Variants in IGSF10 observed in about 807,000 individuals in gnomAD.
IGSF10 encodes calvaria mechanical force protein 608.
Under a neutral mutation model 128.2 loss-of-function variants are expected in IGSF10, and 126 were observed. That is an observed-to-expected ratio of 0.98 (90% CI 0.85 to 1.14). The LOEUF (loss-of-function observed/expected upper bound fraction) is 1.14, where lower values mean the gene tolerates loss of function less well. Among genes scored for constraint, IGSF10 ranks in the 50% most tolerant of loss-of-function variants. The pLI is 0.00. For missense variants in IGSF10, 3,295 were observed against 3,149.8 expected (o/e 1.05, Z -1.10); for synonymous variants, 1,185 against 1,146.2 (o/e 1.03, Z -0.68).
chr3:151,591,962 A>T, the IGSF10 span, among the ~76,000 whole-genome samples: 55 of 152,318 alleles, frequency 3.6e-4, 2 homozygotes, highest in Middle Eastern at 6.8e-3. Flanking sequence ...AAAATTTAGC[A>T]AATTTTAAAT....
chr3:151,556,135 T>C, the IGSF10 span, among the ~76,000 whole-genome samples: 2 of 152,208 alleles, frequency 1.3e-5, no homozygotes, highest in African/African-American at 4.8e-5. Context: ...TGAGTAAAAC[T>C]AACTTTCATT....
chr3:151,569,748 T>C, the IGSF10 span, among the ~76,000 whole-genome samples: 1 of 152,182 alleles, frequency 6.6e-6, no homozygotes, highest in African/African-American at 2.4e-5. Flanking sequence ...TTTTTTTAAA[T>C]TATACTTTAA....
chr3:151,488,500 G>A, the IGSF10 span, among the ~76,000 whole-genome samples: 1 of 152,120 alleles, frequency 6.6e-6, no homozygotes, highest in Non-Finnish European at 1.5e-5. Context: ...AACCAAAGAA[G>A]AGCCCGCATA....
chr3:151,575,518 G>A, the IGSF10 span, among the ~76,000 whole-genome samples: 14 of 152,234 alleles, frequency 9.2e-5, no homozygotes, highest in African/African-American at 3.4e-4. Flanking sequence ...CATGGGCATA[G>A]GACCCACTGA....
At chr3:151,471,161 T>C in the IGSF10 span, among the ~76,000 whole-genome samples, 1 of 152,136 alleles carries the variant, frequency 6.6e-6, no homozygotes, top group East Asian at 1.9e-4. Flanking sequence ...AAAGGGGAAT[T>C]CTCCTGCACA....
the IGSF10 span, among the ~76,000 whole-genome samples, chr3:151,518,234 G>T: frequency 6.6e-6 from 1 of 151,928 alleles, no homozygotes; most frequent in African/African-American, 2.4e-5. Flanking sequence ...TGTTCAAACT[G>T]TGTTCAAATA....
the IGSF10 span, among the ~76,000 whole-genome samples, chr3:151,589,570 CAGA>C: frequency 2.0e-5 from 3 of 152,142 alleles, no homozygotes; most frequent in African/African-American, 4.8e-5. Context: ...TCTTTGGCCA[CAGA>C]AGAAGGATTT....
At chr3:151,489,117 C>T in the IGSF10 span, among the ~76,000 whole-genome samples, 1 of 152,058 alleles carries the variant, frequency 6.6e-6, no homozygotes. Flanking sequence ...AGAACTGAAA[C>T]AAATTTACAG....
the IGSF10 span, among the ~76,000 whole-genome samples, chr3:151,471,233 G>A: frequency 1.4e-3 from 215 of 152,182 alleles, no homozygotes; most frequent in African/African-American, 5.0e-3. Context: ...TGCTTCCCCA[G>A]CCATGTGGAA....
chr3:151,443,897 A>G lies in IGSF10; in HGVS notation c.5063-13T>C, dbSNP rs1248267953. On this transcript the variant is annotated splice_polypyrimidine_tract_variant and intron_variant, in intron 6 of 7. Coordinates refer to ENST00000282466, the MANE Select transcript of IGSF10 (RefSeq NM_178822.5). Reference sequence around the variant, plus strand: ...GATAAATCAAGTCCTGAGAAGAAAAAAAGAAAATTATTGCTACGGGTCATC... The same window carrying G: ...GATAAATCAAGTCCTGAGAAGAAAAGAAGAAAATTATTGCTACGGGTCATC... 1 of 1,559,166 alleles carries G rather than the reference A, an allele frequency of 6.4e-7. No individual in the cohort carries two copies. The highest frequency in any genetic ancestry group is 8.7e-7 in the Non-Finnish European group (1 of 1,151,716).
At chr3:151,499,134 A>T in the IGSF10 span, among the ~76,000 whole-genome samples, 1 of 152,158 alleles carries the variant, frequency 6.6e-6, no homozygotes, top group South Asian at 2.1e-4. Flanking sequence ...GAAAGCATAC[A>T]ATTCCTTTGG....
chr3:151,496,750 CCA>C, the IGSF10 span, among the ~76,000 whole-genome samples: 9 of 151,924 alleles, frequency 5.9e-5, no homozygotes, highest in South Asian at 1.9e-3. Flanking sequence ...TGAGGAATTT[CCA>C]CACTGACTTC....
downstream of IGSF10, chr3:151,432,847 A>G (rs780924752): frequency 2.0e-6 from 3 of 1,501,230 alleles, no homozygotes; most frequent in Non-Finnish European, 1.8e-6. Flanking sequence ...TTTGCACTGA[A>G]AAACAGAAAA....
the IGSF10 span, among the ~76,000 whole-genome samples, chr3:151,492,070 A>AAC: frequency 6.6e-6 from 1 of 152,218 alleles, no homozygotes; most frequent in African/African-American, 2.4e-5. Context: ...ATGAAAAGGC[A>AAC]ACCTACAGAC....
At chr3:151,504,273 C>A in the IGSF10 span, among the ~76,000 whole-genome samples, 1 of 152,074 alleles carries the variant, frequency 6.6e-6, no homozygotes, top group Non-Finnish European at 1.5e-5. Context: ...TAGGTTAGGT[C>A]TTTTAATGTC....
the IGSF10 span, among the ~76,000 whole-genome samples, chr3:151,486,130 AAAAACAAAACAAAAC>A: frequency 3.8e-3 from 578 of 152,244 alleles, 2 homozygotes; most frequent in African/African-American, 0.013. Context: ...ATGGAAAGCA[AAAAACAAAACAAAAC>A]AAAACAAAAA....
chr3:151,448,419 T>C lies in IGSF10; in HGVS notation c.1562A>G (p.Tyr521Cys). The change falls in exon 6 of 8, where the codon TAT becomes TGT. Residue 521 changes from tyrosine to cysteine, a missense_variant. Physicochemically the swap from Tyr to Cys is radical, Grantham distance 194. Transcript: ENST00000282466. Reference protein sequence around the residue: ...LADGSKVRAPYVSEDGRILID... With the variant: ...LADGSKVRAPCVSEDGRILID... The stretch of plus-strand genomic sequence containing the variant: ...TAGGATCCGTCCATCCTCACTGACA[T>C]AAGGGGCTCTCACTTTACTTCCATC... 6.2e-7 allele frequency: 1 copy of C among 1,614,230 alleles called. No individual in the cohort carries two copies. The highest frequency in any genetic ancestry group is 8.5e-7 in the Non-Finnish European group (1 of 1,180,038).
chr3:151,510,157 G>C, the IGSF10 span, among the ~76,000 whole-genome samples: 2 of 152,250 alleles, frequency 1.3e-5, no homozygotes, highest in African/African-American at 4.8e-5. Flanking sequence ...CTGGAGATCT[G>C]AGAATGGACA....
intron 5 of IGSF10, among the ~76,000 whole-genome samples, chr3:151,451,880 C>T (rs1392374002): frequency 4.6e-5 from 7 of 152,078 alleles, no homozygotes. Context: ...GAGAAACAGC[C>T]ACAAATTCAT....
Sources: gnomAD v4.1 joint callset for allele counts (sites outside exome capture counted in the v4.1 genomes callset) on GRCh38, gnomAD v4.1.1 for gene constraint, MANE v1.5 for transcripts, NCBI Gene and HGNC (gene_info 2026-07-23, HGNC 2026-07-21) for gene names.